GPR39: variants seen among roughly 807,000 people sequenced by gnomAD.
The protein encoded by GPR39 is G protein-coupled receptor 39, also known as zinc sensing receptor.
GPR39 carries 23 observed loss-of-function variants against 18.4 expected under a neutral mutation model. That is an observed-to-expected ratio of 1.25 (90% confidence interval 0.90 to 1.77). The LOEUF (loss-of-function observed/expected upper bound fraction) is 1.77. Ranked by LOEUF, GPR39 falls within the 40% of genes most tolerant of loss-of-function variation. The pLI is 0.00. For synonymous variants in GPR39, 280 were observed against 257.9 expected (o/e 1.09, Z -0.82); for missense variants, 647 against 602.4 (o/e 1.07, Z -0.78).
At chr2:132,626,172 G>T (rs997517302) in intron 1 of GPR39, among the ~76,000 whole-genome samples, 1 of 152,140 alleles carries the variant, frequency 6.6e-6, no homozygotes. Flanking sequence ...GACACTGCTG[G>T]TTAGTACAGA....
At chr2:132,446,510 A>G (rs911243007) in intron 1 of GPR39, among the ~76,000 whole-genome samples, 8 of 152,206 alleles carry the variant, frequency 5.3e-5, no homozygotes, top group Admixed American at 2.6e-4. Flanking sequence ...TGTAGGAGAG[A>G]ACAAAGAGGG....
intron 1 of GPR39, among the ~76,000 whole-genome samples, chr2:132,585,091 G>A (rs1442985724): frequency 6.6e-6 from 1 of 152,154 alleles, no homozygotes; most frequent in Non-Finnish European, 1.5e-5. Context: ...TTACGTGGGA[G>A]CCCCTGGTAT....
intron 1 of GPR39, among the ~76,000 whole-genome samples, chr2:132,611,056 GC>G (rs1681231586): frequency 1.3e-5 from 2 of 152,200 alleles, no homozygotes; most frequent in Non-Finnish European, 2.9e-5. Context: ...GGTCCAGTCA[GC>G]CATTTCTGCC....
chr2:132,591,676 T>G (rs1439175103), intron 1 of GPR39, among the ~76,000 whole-genome samples: 1 of 152,222 alleles, frequency 6.6e-6, no homozygotes, highest in Non-Finnish European at 1.5e-5. Flanking sequence ...TGACAATTTA[T>G]GGTGGAATTG....
rs185194837 is a variant in GPR39, at chr2:132,475,199, C to T, written c.856+57301C>T. On this transcript the variant is annotated intron_variant, in intron 1 of 1. Coordinates refer to ENST00000329321, the MANE Select transcript of GPR39 (RefSeq NM_001508.3). ...TGTCAATCACCATCCCCATCTGTCC[C>T]TTTCCTTTGCTGAGTAGTCTCTTCA... 1.1e-4 allele frequency among the ~76,000 whole-genome samples: 17 copies of T among 152,092 alleles called. No homozygotes were observed. The East Asian group carries it at 3.3e-3, about 29-fold the overall frequency.
chr2:132,621,113 C>G (rs898078147), intron 1 of GPR39, among the ~76,000 whole-genome samples: 1 of 152,126 alleles, frequency 6.6e-6, no homozygotes, highest in African/African-American at 2.4e-5. Context: ...TTGTGTGTCT[C>G]CGGTGCTTGA....
intron 1 of GPR39, among the ~76,000 whole-genome samples, chr2:132,472,976 G>A (rs1266662696): frequency 1.3e-5 from 2 of 151,884 alleles, no homozygotes; most frequent in East Asian, 1.9e-4. Flanking sequence ...CTTATCCACC[G>A]TGAACCCCCC....
At chr2:132,601,152 C>G (rs1002373421) in intron 1 of GPR39, among the ~76,000 whole-genome samples, 1 of 152,092 alleles carries the variant, frequency 6.6e-6, no homozygotes, top group African/African-American at 2.4e-5. Flanking sequence ...GATACCAAAC[C>G]AGACAAGTAC....
At chr2:132,455,678 G>A (rs187063378) in intron 1 of GPR39, among the ~76,000 whole-genome samples, 1 of 152,258 alleles carries the variant, frequency 6.6e-6, no homozygotes, top group East Asian at 1.9e-4. Flanking sequence ...CTGGTATGTT[G>A]TGTCTTTGTT....
chr2:132,575,632 C>G (rs1680517143), intron 1 of GPR39, among the ~76,000 whole-genome samples: 1 of 152,116 alleles, frequency 6.6e-6, no homozygotes, highest in African/African-American at 2.4e-5. Flanking sequence ...CTATTTTTTG[C>G]TTTAGACATT....
chr2:132,608,914 T>C (rs946144291), intron 1 of GPR39, among the ~76,000 whole-genome samples: 1 of 152,222 alleles, frequency 6.6e-6, no homozygotes, highest in Middle Eastern at 3.4e-3. Flanking sequence ...TCATGATTGA[T>C]CTCTCAGCAG....
chr2:132,620,197 A>C (rs1000054641), intron 1 of GPR39, among the ~76,000 whole-genome samples: 2 of 152,078 alleles, frequency 1.3e-5, no homozygotes, highest in Admixed American at 1.3e-4. Flanking sequence ...TTTTTTTTAC[A>C]TGAAAGTTGA....
intron 1 of GPR39, among the ~76,000 whole-genome samples, chr2:132,419,956 G>A (rs921848937): frequency 6.6e-6 from 1 of 152,184 alleles, no homozygotes; most frequent in African/African-American, 2.4e-5. Flanking sequence ...CACAGCAGGT[G>A]CTCCAAGTTA....
At chr2:132,501,151 G>A (rs546564749) in intron 1 of GPR39, among the ~76,000 whole-genome samples, 81 of 130,234 alleles carry the variant, frequency 6.2e-4, no homozygotes, top group African/African-American at 2.1e-3. Context: ...GATTGTTCTT[G>A]TTTCTCCAGT....
intron 1 of GPR39, among the ~76,000 whole-genome samples, chr2:132,485,582 A>C (rs1038557871): frequency 6.6e-6 from 1 of 152,198 alleles, no homozygotes; most frequent in Non-Finnish European, 1.5e-5. Context: ...TCATTTCAAC[A>C]ATGCTTATAA....
chr2:132,466,667 G>A (rs755231711), intron 1 of GPR39, among the ~76,000 whole-genome samples: 6 of 152,216 alleles, frequency 3.9e-5, no homozygotes, highest in Non-Finnish European at 7.3e-5. Flanking sequence ...TGAGCTGAGT[G>A]AGAACTCCTA....
intron 1 of GPR39, among the ~76,000 whole-genome samples, chr2:132,527,663 G>A (rs1679537974): frequency 6.6e-6 from 1 of 152,142 alleles, no homozygotes; most frequent in African/African-American, 2.4e-5. Context: ...TCTCATTGTG[G>A]TTTTGATTTG....
At chr2:132,545,720 T>C (rs1679936984) in intron 1 of GPR39, among the ~76,000 whole-genome samples, 2 of 151,806 alleles carry the variant, frequency 1.3e-5, no homozygotes, top group South Asian at 4.2e-4. Flanking sequence ...TTCTCCACTT[T>C]CAATGCACCA....
At chr2:132,452,206 C>T (rs953613874) in intron 1 of GPR39, among the ~76,000 whole-genome samples, 11 of 152,128 alleles carry the variant, frequency 7.2e-5, no homozygotes, top group African/African-American at 2.4e-4. Context: ...AATATTCTTT[C>T]TTTATCTTTG....
Sources: gnomAD v4.1 joint callset for allele counts (sites outside exome capture counted in the v4.1 genomes callset) on GRCh38, gnomAD v4.1.1 for gene constraint, MANE v1.5 for transcripts, NCBI Gene and HGNC (gene_info 2026-07-23, HGNC 2026-07-21) for gene names.